PCDHGA3: variants seen among roughly 807,000 people sequenced by gnomAD.
The protein encoded by PCDHGA3 is protocadherin gamma-A3.
In PCDHGA3, 40 loss-of-function variants were observed where a neutral mutation model predicts 58.5. The observed-to-expected ratio is 0.68, with a 90% confidence interval of 0.53 to 0.89. The LOEUF is 0.89. PCDHGA3 is among the 40% of genes least tolerant of loss of function. PCDHGA3 has a pLI of 0.00. For missense variants in PCDHGA3, 1,223 were observed against 1,195.9 expected (o/e 1.02, Z -0.33); for synonymous variants, 530 against 525.7 (o/e 1.01, Z -0.11).
chr5:141,402,110 T>G (rs900421956), intron 1 of PCDHGA3, among the ~76,000 whole-genome samples: 1 of 152,150 alleles, frequency 6.6e-6, no homozygotes, highest in Admixed American at 6.5e-5. Context: ...ATTACAAAAA[T>G]GTGAAAATTT....
In PCDHGA3 at chr5:141,412,906, T is replaced by C. The variant is rs188124118; in HGVS notation, c.2424+66449T>C. ...ACAGAATAGTTTACTTTCCATTGCA[T>C]GTATCACTTGGGTGCAGTAACTTCT... On this transcript the variant is annotated intron_variant, in intron 1 of 3. Coordinates refer to ENST00000253812, the MANE Select transcript of PCDHGA3 (RefSeq NM_018916.4). 315 of 384,208 alleles carry C rather than the reference T, an allele frequency of 8.2e-4. 2 individuals carry two copies. Among genetic ancestry groups the C allele is most frequent in the African/African-American group, 5.6e-3 (272 of 48,326 alleles). The allele number at this position is 384,208 out of a possible 1,614,324, so 23.8% of individuals were successfully genotyped here. A position where few individuals can be genotyped will look rare whatever the true frequency, so the allele number is the denominator to read the frequency against.
chr5:141,394,410 A>G, intron 1 of PCDHGA3: 1 of 1,614,210 alleles, frequency 6.2e-7, no homozygotes, highest in Non-Finnish European at 8.5e-7. Context: ...GCTACTGGTA[A>G]CAGCCAGCGA....
intron 1 of PCDHGA3, chr5:141,377,279 AAT>A (rs1773851812): frequency 6.6e-6 from 1 of 152,110 alleles, no homozygotes; most frequent in African/African-American, 2.4e-5. Context: ...TGGGAAAAAA[AAT>A]AACCTTAATT....
At chr5:141,352,275 G>A in intron 1 of PCDHGA3, 2 of 1,614,086 alleles carry the variant, frequency 1.2e-6, no homozygotes, top group Non-Finnish European at 1.7e-6. Flanking sequence ...CCAGACCTCA[G>A]CGACCGCCCT....
At position 141,486,616 on chromosome 5, in the gene PCDHGA3, C is replaced by T. The variant is rs759167270; in HGVS notation, c.2425-8191C>T. On this transcript the variant is annotated intron_variant, in intron 1 of 3. Coordinates refer to ENST00000253812, the MANE Select transcript of PCDHGA3 (RefSeq NM_018916.4). The surrounding 1 kb of genome is among the most constrained non-coding windows in gnomAD (Gnocchi z 5.0). ...TGCTTTGCTCCCTTGCAGCCTCTGA[C>T]CCAGACTCTGGCTTGAATGCGCTTA... is the stretch of plus-strand genomic sequence containing the variant. 2 of 1,613,500 alleles carry T rather than the reference C, an allele frequency of 1.2e-6. No individual in the cohort carries two copies. The highest frequency in any genetic ancestry group is 3.3e-5 in the Admixed American group (2 of 60,004).
At chr5:141,405,556 C>G in intron 1 of PCDHGA3, 1 of 619,826 alleles carries the variant, frequency 1.6e-6, no homozygotes, top group African/African-American at 1.8e-5. Flanking sequence ...AGTAGAGTAG[C>G]TGGGACTAGA....
In PCDHGA3 at chr5:141,345,903, G is replaced by C; in HGVS notation, c.1870G>C (p.Gly624Arg). The change falls in exon 1 of 4, where the codon GGC becomes CGC. Residue 624 changes from glycine to arginine, a missense_variant. Gly to Arg is a moderately radical substitution (Grantham distance 125). Transcript: ENST00000253812. ...PGLFSVGLHT[G>R]EVRTARALLD... ...ACTCTTCTCGGTGGGTCTGCACACG[G>C]GCGAGGTGCGCACGGCGCGAGCCCT... 3 of 1,612,142 alleles carry C rather than the reference G, an allele frequency of 1.9e-6. No homozygotes were observed. The East Asian group carries it at 6.7e-5, about 36-fold the overall frequency.
intron 1 of PCDHGA3, chr5:141,354,965 ACTCTGGGTG>A (rs1382443013): frequency 5.9e-6 from 3 of 506,296 alleles, no homozygotes; most frequent in African/African-American, 3.9e-5. Context: ...ACAGGTTAAG[ACTCTGGGTG>A]TCGCTGTTCA....
At chr5:141,413,198 C>T in intron 1 of PCDHGA3, 5 of 1,611,416 alleles carry the variant, frequency 3.1e-6, no homozygotes, top group Non-Finnish European at 2.5e-6. Flanking sequence ...AGGAATCGCT[C>T]AAAGGAATCA....
In PCDHGA3 at chr5:141,356,681, A is replaced by G. The variant is rs771665475; in HGVS notation, c.2424+10224A>G. The G allele has an allele frequency of 1.2e-6, 2 of 1,613,942 alleles. No homozygotes were observed. The highest frequency in any genetic ancestry group is 1.7e-6 in the Non-Finnish European group (2 of 1,179,864). On this transcript the variant is annotated intron_variant, in intron 1 of 3. Coordinates refer to ENST00000253812, the MANE Select transcript of PCDHGA3 (RefSeq NM_018916.4). Reference sequence around the variant, plus strand: ...CGAATCACTTACTCCCTGGCCGAAGACACCTTCCAGGGTGCACCTCTGTCC... The same window carrying G: ...CGAATCACTTACTCCCTGGCCGAAGGCACCTTCCAGGGTGCACCTCTGTCC...
At chr5:141,453,969 A>T (rs543979166) in intron 1 of PCDHGA3, among the ~76,000 whole-genome samples, 13 of 152,356 alleles carry the variant, frequency 8.5e-5, no homozygotes, top group South Asian at 2.1e-4. Flanking sequence ...CAAAGCATGT[A>T]GTTGTGTTGC....
At position 141,431,906 on chromosome 5, in the gene PCDHGA3, A is replaced by G; in HGVS notation, c.2425-62901A>G. 1 of 1,613,868 alleles carries G rather than the reference A, an allele frequency of 6.2e-7. No individual in the cohort carries two copies. Among genetic ancestry groups the G allele is most frequent in the Non-Finnish European group, 8.5e-7 (1 of 1,179,692 alleles). On this transcript the variant is annotated intron_variant, in intron 1 of 3. Transcript: ENST00000253812. This position sits in a 1 kb window ranked among gnomAD's most constrained non-coding sequence, Gnocchi z 4.8. ...AGATTCTGAGGAAAACGGACAGGTG[A>G]TCTGTTTCATCCAAGGAAATCTGCC...
intron 1 of PCDHGA3, chr5:141,394,390 G>A (rs758609540): frequency 2.5e-6 from 4 of 1,614,100 alleles, no homozygotes; most frequent in South Asian, 2.2e-5. Flanking sequence ...GAGCAGATCC[G>A]AGACCTGCAG....
At chr5:141,366,007 G>T (rs764457320) in intron 1 of PCDHGA3, 1 of 1,614,058 alleles carries the variant, frequency 6.2e-7, no homozygotes, top group Non-Finnish European at 8.5e-7. Flanking sequence ...ACGACAATAC[G>T]CCTGAGATCC....
At chr5:141,366,632 C>G (rs1232919866) in intron 1 of PCDHGA3, 1 of 1,614,252 alleles carries the variant, frequency 6.2e-7, no homozygotes. Context: ...GAAGAGTCAC[C>G]TGATCTTTCC....
At chr5:141,418,829 C>T in intron 1 of PCDHGA3, 1 of 1,613,856 alleles carries the variant, frequency 6.2e-7, no homozygotes, top group Non-Finnish European at 8.5e-7. Flanking sequence ...AGCAAAAGAC[C>T]GAGGATCTCT....
intron 1 of PCDHGA3, among the ~76,000 whole-genome samples, chr5:141,472,264 G>A (rs925973401): frequency 1.3e-4 from 20 of 152,068 alleles, no homozygotes; most frequent in African/African-American, 3.6e-4. Context: ...TATTATAGCC[G>A]GGCACAGTGG....
chr5:141,507,478 C>A (rs933478897), intron 3 of PCDHGA3, among the ~76,000 whole-genome samples: 3 of 152,158 alleles, frequency 2.0e-5, no homozygotes, highest in Non-Finnish European at 4.4e-5. Context: ...GGACTGCTGG[C>A]CTCCTGAGGC....
intron 1 of PCDHGA3, chr5:141,400,748 C>A: frequency 5.0e-6 from 3 of 604,576 alleles, no homozygotes; most frequent in Non-Finnish European, 8.6e-6. Context: ...TTGCTCTTAG[C>A]TTCCTCTCTA....
Sources: allele counts gnomAD v4.1 joint callset (sites outside exome capture counted in the v4.1 genomes callset), GRCh38; gene constraint gnomAD v4.1.1; non-coding constraint Gnocchi (gnomAD v3.1); transcripts MANE v1.5; gene names NCBI Gene and HGNC (gene_info 2026-07-23, HGNC 2026-07-21).